The following CFAP70 variants were observed in gnomAD, a reference collection of about 807,000 sequenced individuals.
CFAP70 encodes cilia- and flagella-associated protein 70.
Under a neutral mutation model 137.6 loss-of-function variants are expected in CFAP70, and 81 were observed. The observed-to-expected ratio is 0.59, with a 90% CI of 0.49 to 0.71. CFAP70 has a LOEUF of 0.71. CFAP70 is among the 30% of genes least tolerant of loss of function. The pLI, the probability that CFAP70 is intolerant of heterozygous loss-of-function variation, is 0.00. For missense variants in CFAP70, 976 were observed against 1,226.7 expected (o/e 0.80, Z 3.05); for synonymous variants, 382 against 423.6 (o/e 0.90, Z 1.20).
At chr10:73,254,690 G>A (rs2044294172) in intron 26 of CFAP70, among the ~76,000 whole-genome samples, 2 of 152,154 alleles carry the variant, frequency 1.3e-5, no homozygotes, top group African/African-American at 4.8e-5. Context: ...TTTAGGGAAA[G>A]TCCTTTAAAG....
intron 24 of CFAP70, among the ~76,000 whole-genome samples, chr10:73,271,180 A>G (rs923279217): frequency 2.6e-5 from 4 of 152,030 alleles, no homozygotes; most frequent in African/African-American, 9.7e-5. Flanking sequence ...ATAAAATACA[A>G]TATCTGCCCT....
At position 73,303,681 on chromosome 10, in the gene CFAP70, A is replaced by G. The variant is rs558612066; in HGVS notation, c.1257-4016T>C. ...TAAACCACAGTTTTTAAAGTACTAT[A>G]TAGAGTACTTTATGTACTATAAGTG... is the stretch of plus-strand genomic sequence containing the variant. On this transcript the variant is annotated intron_variant, in intron 12 of 26. Coordinates refer to ENST00000310715, the Ensembl canonical transcript of CFAP70. Among the ~76,000 whole-genome samples the G allele has an allele frequency of 1.8e-3, 268 of 152,360 alleles. 1 individual carries two copies. The highest frequency in any genetic ancestry group is 6.0e-3 in the African/African-American group (250 of 41,576).
chr10:73,344,924 A>T (rs2053582335), intron 5 of CFAP70, 141 bp downstream of exon 6: 1 of 554,874 alleles, frequency 1.8e-6, no homozygotes, highest in Admixed American at 2.7e-5. Flanking sequence ...AATAGAAATA[A>T]ACTGTATTTT....
At chr10:73,356,881 C>T (rs955716945) in intron 1 of CFAP70, among the ~76,000 whole-genome samples, 7 of 152,204 alleles carry the variant, frequency 4.6e-5, no homozygotes, top group African/African-American at 1.7e-4. Flanking sequence ...ATTCATCCTG[C>T]TTTTGTCAGA....
At position 73,313,067 on chromosome 10, in the gene CFAP70, CA is replaced by C. The variant is rs371785793; in HGVS notation, c.913-425del. On this transcript the variant is annotated intron_variant, in intron 9 of 26. Coordinates refer to ENST00000310715, the Ensembl canonical transcript of CFAP70. ...AGTGAGACTTCATCTCTACTAAAAA[CA>C]AAACAAAAAGATCAGCGAGGTGGGC... Among the ~76,000 whole-genome samples the C allele has an allele frequency of 7.3e-4, 111 of 152,080 alleles. 2 individuals carry two copies. In the South Asian group the frequency reaches 0.02, roughly 27 times the overall value.
chr10:73,298,226 C>T (rs1200204829), intron 14 of CFAP70, among the ~76,000 whole-genome samples: 1 of 152,138 alleles, frequency 6.6e-6, no homozygotes, highest in Non-Finnish European at 1.5e-5. Flanking sequence ...ATGAGCAACA[C>T]CTACTTTATA....
chr10:73,256,700 G>C (rs181780303), intron 25 of CFAP70, among the ~76,000 whole-genome samples: 1 of 151,832 alleles, frequency 6.6e-6, no homozygotes, highest in South Asian at 2.1e-4. Flanking sequence ...TCAGGAGATC[G>C]AGATCATCCT....
chr10:73,260,497 A>T (rs1004598702), intron 25 of CFAP70, among the ~76,000 whole-genome samples: 4 of 132,392 alleles, frequency 3.0e-5, no homozygotes, highest in African/African-American at 1.1e-4. Flanking sequence ...GTGTCTTTAT[A>T]AAAAAATAGC....
intron 19 of CFAP70, among the ~76,000 whole-genome samples, chr10:73,282,218 A>G (rs2047309737): frequency 6.6e-6 from 1 of 152,172 alleles, no homozygotes; most frequent in African/African-American, 2.4e-5. Flanking sequence ...TGGCCTGGCT[A>G]GCTATCGGGG....
intron 12 of CFAP70, among the ~76,000 whole-genome samples, chr10:73,308,414 AG>A (rs1213343504): frequency 1.3e-5 from 2 of 152,156 alleles, no homozygotes; most frequent in Admixed American, 6.5e-5. Flanking sequence ...AGATCACCTG[AG>A]GTCAGGAGTT....
rs148894583 is a variant in CFAP70 at position 73,289,771 on chromosome 10, C to T, written c.2239+1455G>A. On this transcript the variant is annotated intron_variant, in intron 19 of 26. Transcript: ENST00000310715. ...ATATTAAAAATAACAAGAGGCTGGT[C>T]GTGGTGGCTTATGCCTGTAATCCCA... 5.8e-3 allele frequency among the ~76,000 whole-genome samples: 881 copies of T among 151,776 alleles called. 10 individuals are homozygous for T. The highest frequency in any genetic ancestry group is 0.02 in the African/African-American group (810 of 41,424).
intron 19 of CFAP70, among the ~76,000 whole-genome samples, chr10:73,284,222 C>G (rs1008583081): frequency 7.9e-5 from 12 of 152,186 alleles, no homozygotes; most frequent in African/African-American, 2.9e-4. Flanking sequence ...CCTCCAACTT[C>G]AAAGCCAGAA....
intron 12 of CFAP70, among the ~76,000 whole-genome samples, chr10:73,304,858 AAC>A (rs201516208): frequency 2.7e-5 from 4 of 149,484 alleles, no homozygotes; most frequent in South Asian, 2.2e-4. Context: ...AAAAAAAAAA[AAC>A]ACACACACCA....
At chr10:73,331,308 T>C (rs2132302747) in intron 7 of CFAP70, 32 bp from the exon 9 acceptor site, 1 of 1,549,436 alleles carries the variant, frequency 6.5e-7, no homozygotes, top group Non-Finnish European at 8.9e-7. Flanking sequence ...ATTAGCATTA[T>C]ATGCAAAAAT....
At chr10:73,281,475 C>T (rs2047253234) in intron 19 of CFAP70, among the ~76,000 whole-genome samples, 1 of 151,760 alleles carries the variant, frequency 6.6e-6, no homozygotes, top group Admixed American at 6.6e-5. Context: ...TGTATATTTC[C>T]AAATACTTGA....
In CFAP70 at chr10:73,278,352, T is replaced by TTTTAATGAAAAATG. The variant is rs1805077387; in HGVS notation, c.2240-16_2240-15insCATTTTTCATTAAA. ...AGCTCCTGGTCCTAAATAGATTACA[T>TTTTAATGAAAAATG]TTTAATGAAAAATAAAACTTCTTAC... On this transcript the variant is annotated splice_polypyrimidine_tract_variant and intron_variant, in intron 19 of 26. Coordinates refer to ENST00000310715, the Ensembl canonical transcript of CFAP70. 6.3e-7 allele frequency: 1 copy of TTTTAATGAAAAATG among 1,596,822 alleles called. No homozygotes were observed. The highest frequency in any genetic ancestry group is 1.1e-5 in the South Asian group (1 of 87,476).
intron 6 of CFAP70, among the ~76,000 whole-genome samples, chr10:73,336,393 G>T (rs1172660115): frequency 6.6e-6 from 1 of 152,026 alleles, no homozygotes; most frequent in Non-Finnish European, 1.5e-5. Flanking sequence ...TAATCACAAT[G>T]ATGAGAAAAG....
intron 5 of CFAP70, 98 bp downstream of exon 6, chr10:73,344,967 T>G: frequency 1.1e-6 from 1 of 915,500 alleles, no homozygotes. Flanking sequence ...CTATTAGCAG[T>G]GCAATGCTTT....
At chr10:73,287,190 C>CA (rs1217839804) in intron 19 of CFAP70, among the ~76,000 whole-genome samples, 3 of 152,162 alleles carry the variant, frequency 2.0e-5, no homozygotes, top group African/African-American at 7.2e-5. Context: ...AGAATTTAAT[C>CA]AGAGAACAGT....
Sources: gnomAD v4.1 joint callset for allele counts (sites outside exome capture counted in the v4.1 genomes callset) on GRCh38, gnomAD v4.1.1 for gene constraint, MANE v1.5 for transcripts, NCBI Gene and HGNC (gene_info 2026-07-23, HGNC 2026-07-21) for gene names.